PRDM1: variants seen among roughly 807,000 people sequenced by gnomAD.
PRDM1 encodes PR/SET domain 1, also known as PR domain zinc finger protein 1.
In PRDM1, 13 loss-of-function variants were observed where a neutral mutation model predicts 62.8. That is an observed-to-expected ratio of 0.21 (90% CI 0.13 to 0.33). The LOEUF (loss-of-function observed/expected upper bound fraction) is 0.33. PRDM1 is among the 10% of genes least tolerant of loss of function. The pLI, the probability that PRDM1 is intolerant of heterozygous loss-of-function variation, is 1.00. For synonymous variants in PRDM1, 396 were observed against 417.6 expected, an observed-to-expected ratio of 0.95 and a Z score of 0.63; for missense variants, 895 against 1,058.8, an observed-to-expected ratio of 0.85 and a Z score of 2.15.
In PRDM1 at chr6:106,099,424, G is replaced by A. The variant is rs1012900498; in HGVS notation, c.536G>A (p.Gly179Glu). Residue 179 changes from glycine to glutamate, a missense_variant, in exon 4 of 7, where the codon GGG becomes GAG. Around this residue, in one of 4 missense-constraint regions of PRDM1, gnomAD observed 213 missense variants for 283.9 expected, o/e 0.75. Coordinates refer to ENST00000369096, the MANE Select transcript of PRDM1 (RefSeq NM_001198.4). ...REQNLAACQN[G>E]MNIYFYTIKP... ...CAAAACCTGGCTGCGTGTCAGAACGGGATGAACATCTACTTCTACACCATT... is the reference window on the plus strand; with the variant it reads ...CAAAACCTGGCTGCGTGTCAGAACGAGATGAACATCTACTTCTACACCATT... 3 of 1,614,060 alleles carry A rather than the reference G, an allele frequency of 1.9e-6. No individual in the cohort carries two copies. The highest frequency in any genetic ancestry group is 2.7e-5 in the African/African-American group (2 of 74,918).
upstream of PRDM1, among the ~76,000 whole-genome samples, chr6:106,083,052 G>C (rs1222871121): frequency 1.3e-5 from 2 of 152,050 alleles, no homozygotes; most frequent in African/African-American, 2.4e-5. Context: ...GGCTGTTAAA[G>C]TTTAAAAACC....
rs776030797 is a variant in PRDM1 at position 106,106,345 on chromosome 6, A to T, written c.1774-26A>T. 1 of 1,613,702 alleles carries T rather than the reference A, an allele frequency of 6.2e-7. No individual in the cohort carries two copies. Among genetic ancestry groups the T allele is most frequent in the South Asian group, 1.1e-5 (1 of 91,038 alleles). On this transcript the variant is annotated intron_variant, in intron 5 of 6. Transcript: ENST00000369096. This position sits in a 1 kb window ranked among gnomAD's most constrained non-coding sequence, Gnocchi z 4.4. The stretch of plus-strand genomic sequence containing the variant: ...GGTCTCAGAGCCAGCTTGAGAGCAG[A>T]GCTAACACATGTGGCTTCTTCCCAG...
chr6:106,100,996 T>C (rs1774253092), intron 4 of PRDM1, among the ~76,000 whole-genome samples: 1 of 152,102 alleles, frequency 6.6e-6, no homozygotes, highest in South Asian at 2.1e-4. Flanking sequence ...CCAGGAACCA[T>C]TCGGCTGTTG....
intron 1 of PRDM1, among the ~76,000 whole-genome samples, chr6:106,081,294 A>T (rs965324846): frequency 5.3e-5 from 8 of 152,144 alleles, no homozygotes; most frequent in Non-Finnish European, 1.0e-4. Flanking sequence ...CCTCATTTTT[A>T]AGTCCATGTG....
chr6:106,015,201 A>G (rs1193753312), intron 1 of PRDM1, among the ~76,000 whole-genome samples: 2 of 152,204 alleles, frequency 1.3e-5, no homozygotes, highest in Non-Finnish European at 2.9e-5. Context: ...AGCTTTACAC[A>G]TTGTAAACTT....
chr6:106,082,272 T>C (rs75524051), upstream of PRDM1, among the ~76,000 whole-genome samples: 950 of 152,328 alleles, frequency 6.2e-3, 11 homozygotes, highest in African/African-American at 0.022. Flanking sequence ...TTCCTTCTCC[T>C]GTTCTTTCCC....
chr6:106,069,371 T>C (rs1257267371), intron 1 of PRDM1, among the ~76,000 whole-genome samples: 1 of 152,222 alleles, frequency 6.6e-6, no homozygotes, highest in Non-Finnish European at 1.5e-5. Flanking sequence ...AAATTGTTTG[T>C]AGACTCATGC....
intron 1 of PRDM1, among the ~76,000 whole-genome samples, chr6:106,064,225 A>G (rs1773391273): frequency 6.6e-6 from 1 of 152,170 alleles, no homozygotes; most frequent in Admixed American, 6.6e-5. Flanking sequence ...AAAGTTAAGT[A>G]CTGTCATTCA....
At chr6:106,088,693 G>A (rs1582460874) in intron 2 of PRDM1, among the ~76,000 whole-genome samples, 1 of 152,184 alleles carries the variant, frequency 6.6e-6, no homozygotes, top group South Asian at 2.1e-4. Context: ...AAATTGGCAT[G>A]TCTTAGAAAA....
chr6:106,085,629 A>G (rs970871808), upstream of PRDM1, among the ~76,000 whole-genome samples: 10 of 152,338 alleles, frequency 6.6e-5, no homozygotes, highest in Middle Eastern at 6.8e-3. Context: ...ACTTGCAGTG[A>G]TCAGTTCAAT....
intron 1 of PRDM1, among the ~76,000 whole-genome samples, chr6:106,068,494 A>G (rs1196197378): frequency 3.9e-5 from 6 of 152,108 alleles, no homozygotes; most frequent in Non-Finnish European, 8.8e-5. Flanking sequence ...TCCTTTTCAC[A>G]TAAGTTATAG....
rs140210252 is a variant in PRDM1 at position 105,999,564 on chromosome 6, C to G, written c.-67+5925C>G. The stretch of plus-strand genomic sequence containing the variant: ...TGTTACTTGCCTTACACTAAGTCCT[C>G]TCAGACTCAAGTGTCATCGTGATGG... On this transcript the variant is annotated intron_variant, in intron 1 of 6. Coordinates refer to the PRDM1 transcript ENST00000652320. 3.7e-3 allele frequency among the ~76,000 whole-genome samples: 562 copies of G among 152,214 alleles called. 3 individuals are homozygous for G. Among genetic ancestry groups the G allele is most frequent in the African/African-American group, 0.013 (540 of 41,518 alleles).
intron 1 of PRDM1, among the ~76,000 whole-genome samples, chr6:106,062,747 A>G (rs1255583341): frequency 6.6e-6 from 1 of 152,174 alleles, no homozygotes; most frequent in Non-Finnish European, 1.5e-5. Flanking sequence ...CTCAGCCTGC[A>G]ACAGTTGGTT....
At chr6:106,081,902 T>G (rs9372117), upstream of PRDM1, among the ~76,000 whole-genome samples, 61,721 of 152,028 alleles carry the variant, frequency 0.41, 14,339 homozygotes, top group African/African-American at 0.64. Context: ...TCATCCTCCA[T>G]AGAAGCCTTT....
At chr6:106,103,248 A>C (rs1353902310) in intron 4 of PRDM1, among the ~76,000 whole-genome samples, 1 of 152,168 alleles carries the variant, frequency 6.6e-6, no homozygotes, top group Non-Finnish European at 1.5e-5. Flanking sequence ...AGGGGCTCTC[A>C]AATTGGAATC....
At chr6:106,027,775 C>T (rs537208931) in intron 1 of PRDM1, among the ~76,000 whole-genome samples, 22 of 152,180 alleles carry the variant, frequency 1.4e-4, no homozygotes, top group East Asian at 3.9e-4. Context: ...GGGCAAAAAC[C>T]CTCTGTTTGG....
intron 1 of PRDM1, among the ~76,000 whole-genome samples, chr6:106,065,856 T>G (rs1773424601): frequency 6.6e-6 from 1 of 152,184 alleles, no homozygotes; most frequent in Admixed American, 6.5e-5. Flanking sequence ...ATTCCTTGGA[T>G]TTGTCCTGCT....
At chr6:106,030,824 A>T (rs1373722428) in intron 1 of PRDM1, among the ~76,000 whole-genome samples, 2 of 152,222 alleles carry the variant, frequency 1.3e-5, no homozygotes, top group Non-Finnish European at 2.9e-5. Context: ...ATCTTCATAT[A>T]AAATCAGTAG....
intron 3 of PRDM1, chr6:106,098,845 A>G (rs1774184731): frequency 1.3e-6 from 2 of 1,527,580 alleles, no homozygotes; most frequent in Non-Finnish European, 1.8e-6. Flanking sequence ...CAGAGGCCAT[A>G]GAAAAAGCTA....
Sources: gnomAD v4.1 joint callset for allele counts (sites outside exome capture counted in the v4.1 genomes callset) on GRCh38, gnomAD v4.1.1 for gene constraint, gnomAD v4.1.1 regional missense constraint, Gnocchi (gnomAD v3.1) non-coding constraint, MANE v1.5 for transcripts, NCBI Gene and HGNC (gene_info 2026-07-23, HGNC 2026-07-21) for gene names.